The following GPC6 variants were observed in gnomAD, a reference collection of about 807,000 sequenced individuals.
GPC6 encodes the protein glypican 6, also known as glypican-6.
In GPC6, 14 loss-of-function variants were observed where a neutral mutation model predicts 55.2. The observed-to-expected ratio is 0.25, with a 90% CI of 0.17 to 0.40. The LOEUF is 0.40. Among genes scored for constraint, GPC6 ranks in the 10% least tolerant of loss-of-function variants. The pLI, the probability that GPC6 is intolerant of heterozygous loss-of-function variation, is 1.00. For missense variants in GPC6, 641 were observed against 708.5 expected (o/e 0.90, Z 1.08); for synonymous variants, 278 against 259.6 (o/e 1.07, Z -0.68).
At chr13:93,478,579 G>A (rs1439407189) in intron 1 of GPC6, among the ~76,000 whole-genome samples, 1 of 152,112 alleles carries the variant, frequency 6.6e-6, no homozygotes, top group Non-Finnish European at 1.5e-5. Flanking sequence ...CTCCTTCAGA[G>A]TATTTATCTG....
At chr13:93,477,783 T>C (rs184254090) in intron 1 of GPC6, among the ~76,000 whole-genome samples, 2 of 152,298 alleles carry the variant, frequency 1.3e-5, no homozygotes, top group East Asian at 3.9e-4. Flanking sequence ...AAGAAGCTAG[T>C]ATTTGAGAGT....
intron 4 of GPC6, among the ~76,000 whole-genome samples, chr13:94,109,815 G>T (rs1367038261): frequency 1.3e-5 from 2 of 152,012 alleles, no homozygotes; most frequent in Non-Finnish European, 2.9e-5. Context: ...TTATAAGGCT[G>T]CCCAGATCTC....
chr13:94,337,972 G>T (rs1216258690), intron 6 of GPC6, among the ~76,000 whole-genome samples: 1 of 152,164 alleles, frequency 6.6e-6, no homozygotes, highest in Non-Finnish European at 1.5e-5. Flanking sequence ...CACACGCTAA[G>T]TTTGGACAAA....
intron 4 of GPC6, among the ~76,000 whole-genome samples, chr13:94,240,310 A>C (rs1891015779): frequency 6.6e-6 from 1 of 152,084 alleles, no homozygotes; most frequent in African/African-American, 2.4e-5. Flanking sequence ...CCTCCTCAGA[A>C]TCAAACACAC....
intron 2 of GPC6, among the ~76,000 whole-genome samples, chr13:93,672,621 A>G (rs1881410798): frequency 6.6e-6 from 1 of 151,354 alleles, no homozygotes; most frequent in Non-Finnish European, 1.5e-5. Flanking sequence ...TTTCAAATAT[A>G]GAGCATTCTC....
chr13:94,223,475 C>T (rs967565977), intron 4 of GPC6, among the ~76,000 whole-genome samples: 2 of 152,124 alleles, frequency 1.3e-5, no homozygotes, highest in Admixed American at 6.5e-5. Flanking sequence ...ACATAACATA[C>T]CTAAAATCAC....
chr13:93,938,080 G>A (rs1878531738), intron 3 of GPC6, among the ~76,000 whole-genome samples: 2 of 149,394 alleles, frequency 1.3e-5, no homozygotes, highest in East Asian at 4.0e-4. Flanking sequence ...AATATTGGGA[G>A]CAACTCTTTA....
chr13:93,777,443 T>A (rs1201928793), intron 2 of GPC6, among the ~76,000 whole-genome samples: 1 of 152,220 alleles, frequency 6.6e-6, no homozygotes, highest in Non-Finnish European at 1.5e-5. Context: ...CTGACACTAC[T>A]ACTTTTTTGT....
At chr13:93,273,482 C>T (rs1213335296) in intron 1 of GPC6, among the ~76,000 whole-genome samples, 2 of 152,044 alleles carry the variant, frequency 1.3e-5, no homozygotes, top group African/African-American at 2.4e-5. Context: ...CACGGTGAAA[C>T]CCCGTCTCTA....
At chr13:93,383,340 T>C (rs1487246289) in intron 1 of GPC6, among the ~76,000 whole-genome samples, 1 of 151,944 alleles carries the variant, frequency 6.6e-6, no homozygotes, top group Non-Finnish European at 1.5e-5. Context: ...GTCTCCGGAG[T>C]AGCTGGGACA....
chr13:94,170,757 A>G (rs1888537881), intron 4 of GPC6, among the ~76,000 whole-genome samples: 1 of 152,232 alleles, frequency 6.6e-6, no homozygotes, highest in Non-Finnish European at 1.5e-5. Flanking sequence ...AGTTTTCAGT[A>G]AATTGAATTT....
intron 3 of GPC6, among the ~76,000 whole-genome samples, chr13:94,004,566 G>A (rs964190192): frequency 3.9e-5 from 6 of 152,062 alleles, no homozygotes; most frequent in African/African-American, 1.4e-4. Context: ...GAAATGACTG[G>A]TTTTTAGTGC....
At chr13:93,618,145 C>A (rs1361443964) in intron 2 of GPC6, among the ~76,000 whole-genome samples, 1 of 152,004 alleles carries the variant, frequency 6.6e-6, no homozygotes, top group African/African-American at 2.4e-5. Context: ...ATTTGATTGA[C>A]TTCCATAGTC....
intron 2 of GPC6, among the ~76,000 whole-genome samples, chr13:93,608,945 A>G (rs1335241824): frequency 6.6e-6 from 1 of 152,208 alleles, no homozygotes; most frequent in Non-Finnish European, 1.5e-5. Flanking sequence ...CAGGCTAACT[A>G]TACCATTATG....
intron 2 of GPC6, among the ~76,000 whole-genome samples, chr13:93,649,690 G>C (rs558599820): frequency 4.6e-5 from 7 of 152,198 alleles, no homozygotes; most frequent in African/African-American, 1.7e-4. Context: ...TTGAGAACTC[G>C]AGAATTATTT....
intron 1 of GPC6, among the ~76,000 whole-genome samples, chr13:93,312,489 G>A (rs147413187): frequency 0.016 from 2,359 of 152,152 alleles, 58 homozygotes; most frequent in African/African-American, 0.054. Context: ...ACAACCTGAT[G>A]GCTTAATCAG....
At chr13:93,223,824 A>G (rs1173551477), upstream of GPC6, among the ~76,000 whole-genome samples, 1 of 151,772 alleles carries the variant, frequency 6.6e-6, no homozygotes, top group Admixed American at 6.6e-5. Context: ...TCCTTTCCTC[A>G]GAATCTATCT....
chr13:93,597,007 CA>C (rs10709473), intron 2 of GPC6, among the ~76,000 whole-genome samples: 6,403 of 68,050 alleles, frequency 0.094, 221 homozygotes, highest in East Asian at 0.17. Flanking sequence ...TCAAATCTGG[CA>C]AAAAAAAAAA....
In GPC6 at chr13:93,618,152, A is replaced by G. The variant is rs535024830; in HGVS notation, c.319+72731A>G. On this transcript the variant is annotated intron_variant, in intron 2 of 8. Coordinates refer to ENST00000377047, the MANE Select transcript of GPC6 (RefSeq NM_005708.5). The stretch of plus-strand genomic sequence containing the variant: ...ATTACCTAATTTGATTGACTTCCAT[A>G]GTCACCAAATTTTCTTCACCAATAT... Among the ~76,000 whole-genome samples the G allele has an allele frequency of 2.6e-5, 4 of 152,228 alleles. No homozygotes were observed. In the South Asian group the frequency reaches 8.3e-4, roughly 32 times the overall value.
Sources: gnomAD v4.1 joint callset for allele counts (sites outside exome capture counted in the v4.1 genomes callset) on GRCh38, gnomAD v4.1.1 for gene constraint, MANE v1.5 for transcripts, NCBI Gene and HGNC (gene_info 2026-07-23, HGNC 2026-07-21) for gene names.